The following PANK4 variants were observed in gnomAD, a reference collection of about 807,000 sequenced individuals.
The protein encoded by PANK4 is pantothenate kinase 4 (inactive), also known as 4'-phosphopantetheine phosphatase.
Under a neutral mutation model 87.9 loss-of-function variants are expected in PANK4, and 40 were observed. The ratio of observed to expected loss-of-function variants is 0.46; its 90% CI spans 0.35 to 0.59. PANK4 has a LOEUF of 0.59. Among genes scored for constraint, PANK4 ranks in the 20% least tolerant of loss-of-function variants. The probability of loss-of-function intolerance (pLI) is 0.00; values close to 1 mark genes in which losing one functional copy is unlikely to be tolerated. For missense variants in PANK4, 926 were observed against 1,072.3 expected, an observed-to-expected ratio of 0.86 and a Z score of 1.90; for synonymous variants, 524 against 467.4, an observed-to-expected ratio of 1.12 and a Z score of -1.56.
chr1:2,514,802 C>T lies in PANK4; in HGVS notation c.1375-336G>A, dbSNP rs142186329. Among the ~76,000 whole-genome samples the T allele has an allele frequency of 1.4e-4, 21 of 152,142 alleles. No homozygotes were observed. The East Asian group carries it at 4.1e-3, about 29-fold the overall frequency. ...GGTGACAGTTCACGGTCACCCGAGG[C>T]TTCCCTTTGCCATTCGCCCCTCCCA... On this transcript the variant is annotated intron_variant, in intron 10 of 18. Coordinates refer to ENST00000378466, the MANE Select transcript of PANK4 (RefSeq NM_018216.4).
chr1:2,514,578 C>CCGGGGCAGGG (rs1643727801), intron 10 of PANK4, 112 bp from the exon 11 acceptor site: 1 of 148,496 alleles, frequency 6.7e-6, no homozygotes, highest in African/African-American at 2.8e-5. Context: ...GGGGGACTGT[C>CCGGGGCAGGG]TGGGGCAGGG....
Position 2,520,545 on chromosome 1 carries a change from G to T in PANK4, c.607-131C>A. On this transcript the variant is annotated intron_variant, in intron 4 of 18. Coordinates refer to ENST00000378466, the MANE Select transcript of PANK4 (RefSeq NM_018216.4). This position sits in a 1 kb window ranked among gnomAD's most constrained non-coding sequence, Gnocchi z 6.2. ...CAACCGCCAGTGGGAGGACTCTCAT[G>T]GCCAAGCCTGGGGGCGCTGATGCCC... 2.1e-6 allele frequency: 2 copies of T among 951,060 alleles called. No homozygotes were observed. Among genetic ancestry groups the T allele is most frequent in the Non-Finnish European group, 3.1e-6 (2 of 635,934 alleles). 58.9% of individuals were successfully genotyped at this position (951,060 alleles called of 1,614,324 possible).
intron 7 of PANK4, 84 bp from the exon 8 acceptor site, chr1:2,518,681 T>G: frequency 1.7e-6 from 2 of 1,167,086 alleles, no homozygotes; most frequent in Non-Finnish European, 2.5e-6. Context: ...TGCGCGGGCC[T>G]CGCACCGCGC....
In PANK4 at chr1:2,510,004, A is replaced by G; in HGVS notation, c.2039+53T>C. 8 of 1,575,932 alleles carry G rather than the reference A, an allele frequency of 5.1e-6. No individual in the cohort carries two copies. The South Asian group carries it at 5.7e-5, about 11-fold the overall frequency. On this transcript the variant is annotated intron_variant, in intron 17 of 18. Transcript: ENST00000378466. The surrounding 1 kb of genome is among the most constrained non-coding windows in gnomAD (Gnocchi z 4.9). The stretch of plus-strand genomic sequence containing the variant: ...ACAATCCCCATGGCCCACTCTGCCC[A>G]GCTGGTGCCCCTCCCCATCAAGGCC...
chr1:2,518,650 C>T, intron 7 of PANK4, 53 bp from the exon 8 acceptor site: 2 of 1,422,200 alleles, frequency 1.4e-6, no homozygotes, highest in Non-Finnish European at 1.9e-6. Context: ...ACACCCGGTG[C>T]CTCCGCAAAC....
At position 2,519,099 on chromosome 1, in the gene PANK4, G is replaced by A. The variant is rs775737407; in HGVS notation, c.1035+44C>T. 3.2e-6 allele frequency: 5 copies of A among 1,555,248 alleles called. No homozygotes were observed. Among genetic ancestry groups the A allele is most frequent in the Non-Finnish European group, 4.4e-6 (5 of 1,135,212 alleles). ...CAGCATGACTGATTGGGAAGATCCT[G>A]GGGGGTCTGCGTTAGAGGCTGGGGA... On this transcript the variant is annotated intron_variant, in intron 7 of 18. Transcript: ENST00000378466. This position sits in a 1 kb window ranked among gnomAD's most constrained non-coding sequence, Gnocchi z 8.3.
At position 2,512,938 on chromosome 1, in the gene PANK4, T is replaced by C. The variant is rs1342155995; in HGVS notation, c.1677A>G (p.Lys559=). The C allele has an allele frequency of 1.2e-6, 2 of 1,612,712 alleles. No individual in the cohort carries two copies. Among genetic ancestry groups the C allele is most frequent in the Non-Finnish European group, 8.5e-7 (1 of 1,179,822 alleles). ...GWEERQLALV[K]GLLAGNVFDW... is the part of the protein sequence containing the mutation. ...CGAAGACATTCCCCGCCAGGAGGCC[T>C]TTCACCAGCGCCAGCTGCCGTTCCT... The change falls in exon 13 of 19, where the codon AAA becomes AAG. Residue 559 remains lysine (K), a synonymous_variant. Transcript: ENST00000378466.
At chr1:2,521,910 G>A (rs1309534764) in intron 1 of PANK4, 110 bp from the exon 2 acceptor site, 5 of 831,470 alleles carry the variant, frequency 6.0e-6, no homozygotes, top group South Asian at 1.4e-5. Flanking sequence ...CTCTGTAGAT[G>A]AGGGGTTTGG....
intron 12 of PANK4, among the ~76,000 whole-genome samples, chr1:2,513,373 G>C (rs1282182350): frequency 1.3e-5 from 2 of 152,234 alleles, no homozygotes; most frequent in African/African-American, 2.4e-5. Context: ...CACAAGGCTC[G>C]GCGTGTGAGG....
At chr1:2,523,804 C>T (rs1449965813) in intron 1 of PANK4, among the ~76,000 whole-genome samples, 1 of 152,244 alleles carries the variant, frequency 6.6e-6, no homozygotes, top group Non-Finnish European at 1.5e-5. Flanking sequence ...AGCTCAGGGA[C>T]CCCTCGGAAT....
At position 2,519,630 on chromosome 1, in the gene PANK4, G is replaced by A. The variant is rs956620248; in HGVS notation, c.853+171C>T. Among the ~76,000 whole-genome samples, 2 of 152,276 alleles carry A rather than the reference G, an allele frequency of 1.3e-5. No homozygotes were observed. The highest frequency in any genetic ancestry group is 1.5e-5 in the Non-Finnish European group (1 of 68,048). On this transcript the variant is annotated intron_variant, in intron 6 of 18. Transcript: ENST00000378466. The surrounding 1 kb of genome is among the most constrained non-coding windows in gnomAD (Gnocchi z 8.3). ...CGTTTATCTGCCGACGTTCTGAGCAGTGGGCCTGAGCTGCAGCGACTCGGC... is the reference window on the plus strand; with the variant it reads ...CGTTTATCTGCCGACGTTCTGAGCAATGGGCCTGAGCTGCAGCGACTCGGC...
In PANK4 at chr1:2,508,831, C is replaced by T. The variant is rs372292825; in HGVS notation, c.*16G>A. On this transcript the variant is annotated 3_prime_UTR_variant, in exon 19 of 19. Transcript: ENST00000378466. The surrounding 1 kb of genome is among the most constrained non-coding windows in gnomAD (Gnocchi z 5.1). ...CTGACAAGTGACAAGCAGAAGAGTCCGGCAGCTGCAGCGCCTCACTCGGCT... is the reference window on the plus strand; with the variant it reads ...CTGACAAGTGACAAGCAGAAGAGTCTGGCAGCTGCAGCGCCTCACTCGGCT... 38 of 1,458,712 alleles carry T rather than the reference C, an allele frequency of 2.6e-5. No individual in the cohort carries two copies. The highest frequency in any genetic ancestry group is 1.5e-4 in the African/African-American group (11 of 71,932). 90.4% of individuals were successfully genotyped at this position (1,458,712 alleles called of 1,614,324 possible).
rs530806002 is a variant in PANK4, at chr1:2,525,167, C to T, written c.124+1297G>A. On this transcript the variant is annotated intron_variant, in intron 1 of 18. Transcript: ENST00000378466. ...CTCAGAGAGATGATGACACCAACAA[C>T]CCCGAGGACACCACAGCAGCAAACA... is the stretch of plus-strand genomic sequence containing the variant. Among the ~76,000 whole-genome samples, 13 of 152,268 alleles carry T rather than the reference C, an allele frequency of 8.5e-5. No homozygotes were observed. In the South Asian group the frequency reaches 2.5e-3, roughly 29 times the overall value.
intron 1 of PANK4, among the ~76,000 whole-genome samples, chr1:2,522,659 G>T (rs557359710): frequency 6.9e-6 from 1 of 145,052 alleles, no homozygotes; most frequent in East Asian, 2.1e-4. Context: ...AATAGAAAAA[G>T]AAACAAAATG....
At chr1:2,512,845 A>G in intron 13 of PANK4, 43 bp downstream of exon 13, 1 of 1,602,350 alleles carries the variant, frequency 6.2e-7, no homozygotes, top group Non-Finnish European at 8.5e-7. Flanking sequence ...CAGGACAGGC[A>G]CCCACAGGCT....
rs201865669 is a variant in PANK4 at position 2,514,339 on chromosome 1, G to C, written c.1487+15C>G. On this transcript the variant is annotated intron_variant, in intron 11 of 18. Transcript: ENST00000378466. The stretch of plus-strand genomic sequence containing the variant: ...ATGGAAGAGGTGGCCACACACCGGG[G>C]TGCTGGGCACTTACAAGGGCTGCTG... 5.0e-4 allele frequency: 795 copies of C among 1,579,216 alleles called. 2 individuals are homozygous for C. In the African/African-American group the frequency reaches 7.0e-3, roughly 14 times the overall value.
intron 9 of PANK4, 54 bp downstream of exon 9, chr1:2,518,110 G>T: frequency 1.8e-6 from 2 of 1,112,468 alleles, no homozygotes; most frequent in Non-Finnish European, 1.3e-6. Flanking sequence ...GGCGAGGTGA[G>T]TGCGGCATAG....
chr1:2,517,174 C>T (rs1310350348), intron 9 of PANK4, among the ~76,000 whole-genome samples: 1 of 152,220 alleles, frequency 6.6e-6, no homozygotes, highest in Non-Finnish European at 1.5e-5. Context: ...CTCTGCCAGG[C>T]CCCCAGAGCC....
chr1:2,510,585 C>G lies in PANK4; in HGVS notation c.1938+93G>C, dbSNP rs1643644602. 3 of 771,416 alleles carry G rather than the reference C, an allele frequency of 3.9e-6. No homozygotes were observed. The highest frequency in any genetic ancestry group is 4.2e-5 in the Admixed American group (2 of 48,016). 47.8% of individuals were successfully genotyped at this position (771,416 alleles called of 1,614,324 possible). ...CACCTACCTGCTGCGTCCGGAGGAG[C>G]CCCGACCACCGCCAGAGGCCCACAG... is the stretch of plus-strand genomic sequence containing the variant. On this transcript the variant is annotated intron_variant, in intron 16 of 18. Coordinates refer to ENST00000378466, the MANE Select transcript of PANK4 (RefSeq NM_018216.4). The surrounding 1 kb of genome is among the most constrained non-coding windows in gnomAD (Gnocchi z 4.9).
Sources: allele counts gnomAD v4.1 joint callset (sites outside exome capture counted in the v4.1 genomes callset), GRCh38; gene constraint gnomAD v4.1.1; non-coding constraint Gnocchi (gnomAD v3.1); transcripts MANE v1.5; gene names NCBI Gene and HGNC (gene_info 2026-07-23, HGNC 2026-07-21).